Variants in ERBB4 observed in about 807,000 individuals in gnomAD.
The protein encoded by ERBB4 is receptor tyrosine-protein kinase erbB-4.
A neutral mutation model predicts 158.0 loss-of-function variants in ERBB4; 42 were observed. The ratio of observed to expected loss-of-function variants is 0.27; its 90% CI spans 0.21 to 0.34. The LOEUF is 0.34. Among genes scored for constraint, ERBB4 ranks in the 10% least tolerant of loss-of-function variants. The pLI, the probability that ERBB4 is intolerant of heterozygous loss-of-function variation, is 1.00. For synonymous variants in ERBB4, 583 were observed against 558.7 expected, an observed-to-expected ratio of 1.04 and a Z score of -0.61; for missense variants, 1,333 against 1,624.1, an observed-to-expected ratio of 0.82 and a Z score of 3.08.
At chr2:212,250,649 T>C (rs1037939644) in intron 1 of ERBB4, among the ~76,000 whole-genome samples, 66 of 151,982 alleles carry the variant, frequency 4.3e-4, no homozygotes, top group Admixed American at 4.3e-3. Context: ...TCTAAATTCA[T>C]GCATTCACTT....
intron 12 of ERBB4, among the ~76,000 whole-genome samples, chr2:211,681,719 T>A (rs1041876493): frequency 1.4e-4 from 22 of 152,218 alleles, no homozygotes; most frequent in African/African-American, 5.3e-4. Context: ...TGTTTCTTAT[T>A]AATGAGTATT....
intron 3 of ERBB4, among the ~76,000 whole-genome samples, chr2:211,862,923 G>A (rs1396166779): frequency 6.6e-6 from 1 of 152,072 alleles, no homozygotes; most frequent in Non-Finnish European, 1.5e-5. Flanking sequence ...CTAACTAAAG[G>A]ATTGTAAATG....
chr2:211,422,188 A>T, intron 23 of ERBB4, 84 bp from the exon 24 acceptor site: 19 of 831,396 alleles, frequency 2.3e-5, no homozygotes, highest in Middle Eastern at 2.3e-4. Flanking sequence ...TATGAGCAAA[A>T]GTTTGAAAAA....
At chr2:211,588,732 T>C (rs1316253372) in intron 19 of ERBB4, among the ~76,000 whole-genome samples, 1 of 152,082 alleles carries the variant, frequency 6.6e-6, no homozygotes, top group Non-Finnish European at 1.5e-5. Context: ...TCAGAAACCA[T>C]GATGTTAATC....
At chr2:211,544,649 G>A (rs1486151467) in intron 20 of ERBB4, among the ~76,000 whole-genome samples, 1 of 152,008 alleles carries the variant, frequency 6.6e-6, no homozygotes, top group Admixed American at 6.6e-5. Context: ...ATTGAATGCT[G>A]ATATACATCA....
intron 16 of ERBB4, among the ~76,000 whole-genome samples, chr2:211,642,847 T>C (rs1363224567): frequency 6.6e-6 from 1 of 152,160 alleles, no homozygotes; most frequent in Admixed American, 6.6e-5. Context: ...AACAAAAGCA[T>C]AATTCTAAAA....
At chr2:211,846,449 A>T (rs558041674) in intron 3 of ERBB4, among the ~76,000 whole-genome samples, 22 of 152,242 alleles carry the variant, frequency 1.4e-4, no homozygotes, top group African/African-American at 5.3e-4. Flanking sequence ...CCACTCTGTA[A>T]ACCATCTGAT....
chr2:212,490,641 A>G (rs531186007), intron 1 of ERBB4, among the ~76,000 whole-genome samples: 11 of 152,002 alleles, frequency 7.2e-5, no homozygotes, highest in East Asian at 1.9e-4. Flanking sequence ...GACATTTTCT[A>G]TAAGTAAATT....
intron 1 of ERBB4, among the ~76,000 whole-genome samples, chr2:212,173,422 T>C (rs1452051915): frequency 6.6e-6 from 1 of 152,024 alleles, no homozygotes; most frequent in African/African-American, 2.4e-5. Context: ...TGAAGCATTA[T>C]CCAGGAACAA....
intron 2 of ERBB4, among the ~76,000 whole-genome samples, chr2:211,971,051 C>T (rs1458707036): frequency 1.3e-5 from 2 of 152,140 alleles, no homozygotes; most frequent in Non-Finnish European, 2.9e-5. Context: ...CCTTGAGGAG[C>T]TCTTGCAAGG....
intron 3 of ERBB4, among the ~76,000 whole-genome samples, chr2:211,886,412 CA>C (rs1044526622): frequency 1.3e-5 from 2 of 151,834 alleles, no homozygotes; most frequent in Non-Finnish European, 2.9e-5. Context: ...GGAAGGCACT[CA>C]AAAAATATTC....
chr2:212,376,453 A>C (rs913886740), intron 1 of ERBB4, among the ~76,000 whole-genome samples: 2 of 152,036 alleles, frequency 1.3e-5, no homozygotes, highest in African/African-American at 4.8e-5. Context: ...TGTCTTGAGA[A>C]GGTTAGCCAA....
intron 1 of ERBB4, among the ~76,000 whole-genome samples, chr2:212,454,775 T>TA (rs1688193556): frequency 6.6e-6 from 1 of 152,174 alleles, no homozygotes; most frequent in Non-Finnish European, 1.5e-5. Flanking sequence ...TATAGGTAGT[T>TA]AAATCACTTT....
At chr2:211,689,928 A>G (rs1371987719) in intron 12 of ERBB4, among the ~76,000 whole-genome samples, 3 of 151,504 alleles carry the variant, frequency 2.0e-5, no homozygotes, top group Non-Finnish European at 2.9e-5. Context: ...CTCCGTATTG[A>G]TCACTTTTGT....
chr2:211,705,487 A>G, intron 9 of ERBB4, 96 bp from the exon 10 acceptor site: 1 of 857,934 alleles, frequency 1.2e-6, no homozygotes, highest in South Asian at 1.4e-5. Context: ...TTTAATTTTA[A>G]TTAGCAGTAG....
chr2:212,340,621 C>T (rs1013039238), intron 1 of ERBB4, among the ~76,000 whole-genome samples: 1 of 152,148 alleles, frequency 6.6e-6, no homozygotes, highest in Non-Finnish European at 1.5e-5. Flanking sequence ...TCTAATACTA[C>T]TGCTGATCTG....
At chr2:211,609,084 A>T (rs369131732) in intron 19 of ERBB4, among the ~76,000 whole-genome samples, 1 of 152,096 alleles carries the variant, frequency 6.6e-6, no homozygotes, top group Non-Finnish European at 1.5e-5. Context: ...CAAGAAGCAA[A>T]GGTTTTTCTC....
intron 1 of ERBB4, among the ~76,000 whole-genome samples, chr2:212,314,429 A>AT (rs2087182085): frequency 6.7e-6 from 1 of 150,002 alleles, no homozygotes; most frequent in African/African-American, 2.5e-5. Flanking sequence ...GTGGTATTAC[A>AT]TTAAAAAAAA....
chr2:211,923,745 G>A (rs574002216), intron 3 of ERBB4, among the ~76,000 whole-genome samples: 5 of 152,138 alleles, frequency 3.3e-5, no homozygotes, highest in African/African-American at 4.8e-5. Context: ...GTATTGAGAT[G>A]GAATTTTGCT....
Sources: allele counts gnomAD v4.1 joint callset (sites outside exome capture counted in the v4.1 genomes callset), GRCh38; gene constraint gnomAD v4.1.1; transcripts MANE v1.5; gene names NCBI Gene and HGNC (gene_info 2026-07-23, HGNC 2026-07-21).